NUP210L: variants seen among roughly 807,000 people sequenced by gnomAD.
The protein encoded by NUP210L is nucleoporin 210 like.
Under a neutral mutation model 208.5 loss-of-function variants are expected in NUP210L, and 74 were observed. The ratio of observed to expected loss-of-function variants is 0.35; its 90% CI spans 0.29 to 0.43. The LOEUF is 0.43. Among genes scored for constraint, NUP210L ranks in the 20% least tolerant of loss-of-function variants. The pLI is 1.00. For missense variants in NUP210L, 1,843 were observed against 2,289.4 expected (o/e 0.81, Z 3.98); for synonymous variants, 780 against 816.9 (o/e 0.95, Z 0.77).
At chr1:154,113,185 A>T (rs997163998) in intron 12 of NUP210L, among the ~76,000 whole-genome samples, 9 of 148,154 alleles carry the variant, frequency 6.1e-5, no homozygotes, top group East Asian at 5.8e-4. Flanking sequence ...TATATATATA[A>T]AATTTAAAAC....
chr1:154,010,699 C>T (rs1381395775), intron 34 of NUP210L, among the ~76,000 whole-genome samples: 3 of 151,710 alleles, frequency 2.0e-5, no homozygotes, highest in African/African-American at 4.9e-5. Context: ...GGAGAAACCC[C>T]GTCTCTACTA....
chr1:154,040,241 T>G (rs1349262897), intron 27 of NUP210L, among the ~76,000 whole-genome samples: 3 of 152,090 alleles, frequency 2.0e-5, no homozygotes, highest in Non-Finnish European at 4.4e-5. Context: ...GAAATAGCTT[T>G]CTAAAAGAAC....
At position 154,129,780 on chromosome 1, in the gene NUP210L, C is replaced by T. The variant is rs146945225; in HGVS notation, c.1010-435G>A. 7.4e-4 allele frequency among the ~76,000 whole-genome samples: 113 copies of T among 152,276 alleles called. 1 individual carries two copies. The highest frequency in any genetic ancestry group is 2.6e-3 in the African/African-American group (110 of 41,562). On this transcript the variant is annotated intron_variant, in intron 7 of 39. Transcript: ENST00000368559. ...GCATGACTTGCCATCCAGCAACATG[C>T]CTAGAACTCCACAGATAGTTTCAAA...
intron 16 of NUP210L, chr1:154,079,950 A>G (rs539886755): frequency 6.6e-6 from 1 of 152,386 alleles, no homozygotes; most frequent in South Asian, 2.1e-4. Context: ...TTAAATTCCT[A>G]GAGTTTCAGT....
At chr1:154,098,882 T>C (rs1571269809) in intron 14 of NUP210L, among the ~76,000 whole-genome samples, 1 of 152,122 alleles carries the variant, frequency 6.6e-6, no homozygotes, top group Admixed American at 6.5e-5. Flanking sequence ...AGGCTGTAGG[T>C]GCCAAGGGGC....
chr1:154,127,014 G>A (rs1378434021), intron 9 of NUP210L, among the ~76,000 whole-genome samples: 1 of 151,648 alleles, frequency 6.6e-6, no homozygotes, highest in Non-Finnish European at 1.5e-5. Context: ...GCTGAGGCAG[G>A]AGGATTGCTT....
intron 14 of NUP210L, among the ~76,000 whole-genome samples, chr1:154,096,789 A>G (rs1484530324): frequency 1.3e-5 from 2 of 151,884 alleles, no homozygotes; most frequent in African/African-American, 4.8e-5. Flanking sequence ...ACAGTGCCAT[A>G]CAAGTTTTTG....
chr1:154,116,254 C>CA (rs34151144), intron 12 of NUP210L, among the ~76,000 whole-genome samples: 242 of 91,370 alleles, frequency 2.6e-3, no homozygotes, highest in East Asian at 6.4e-3. Context: ...GACTCCATCT[C>CA]AAAAAAAAAA....
chr1:154,143,221 G>C (rs1171876614), intron 3 of NUP210L, among the ~76,000 whole-genome samples: 1 of 150,744 alleles, frequency 6.6e-6, no homozygotes, highest in African/African-American at 2.4e-5. Flanking sequence ...AAAAAGAAAG[G>C]AAAAGTTCTG....
intron 27 of NUP210L, among the ~76,000 whole-genome samples, chr1:154,038,646 A>G (rs1299338872): frequency 6.6e-6 from 1 of 152,140 alleles, no homozygotes; most frequent in African/African-American, 2.4e-5. Context: ...TGCCCAGCAG[A>G]CACAGGGTTT....
At chr1:154,094,021 C>T (rs1298370754) in intron 15 of NUP210L, among the ~76,000 whole-genome samples, 1 of 151,898 alleles carries the variant, frequency 6.6e-6, no homozygotes, top group African/African-American at 2.4e-5. Context: ...TGGTTGCTCA[C>T]GCCTGTAATC....
chr1:154,034,841 CTCTTTT>C (rs1028612992), intron 27 of NUP210L, among the ~76,000 whole-genome samples: 1 of 143,234 alleles, frequency 7.0e-6, no homozygotes, highest in Non-Finnish European at 1.5e-5. Context: ...CTCTCTCTCT[CTCTTTT>C]TTTTTTTTTT....
intron 38 of NUP210L, 66 bp from the exon 39 acceptor site, chr1:153,993,155 C>G (rs1403701427): frequency 9.7e-7 from 1 of 1,032,508 alleles, no homozygotes; most frequent in Non-Finnish European, 1.5e-6. Flanking sequence ...AAAGTCAACT[C>G]TAGAATGAGA....
chr1:154,143,283 T>A (rs1303872757), intron 3 of NUP210L, among the ~76,000 whole-genome samples, 163 bp downstream of exon 3: 1 of 152,158 alleles, frequency 6.6e-6, no homozygotes, highest in African/African-American at 2.4e-5. Flanking sequence ...GTTAATACAT[T>A]AAATTATACT....
intron 34 of NUP210L, among the ~76,000 whole-genome samples, chr1:154,011,469 G>T (rs1242941881): frequency 1.3e-5 from 2 of 150,910 alleles, no homozygotes; most frequent in African/African-American, 4.9e-5. Context: ...TGATCCATCC[G>T]CCTCGGCTTC....
At chr1:154,117,965 G>A in intron 11 of NUP210L, 85 bp from the exon 12 acceptor site, 1 of 949,434 alleles carries the variant, frequency 1.1e-6, no homozygotes, top group East Asian at 2.5e-5. Context: ...GTGAAATAAA[G>A]TTTACAAAAT....
chr1:154,055,503 A>G (rs1253598083), intron 23 of NUP210L, among the ~76,000 whole-genome samples: 3 of 152,032 alleles, frequency 2.0e-5, no homozygotes, highest in African/African-American at 7.2e-5. Flanking sequence ...CACCTGCCTC[A>G]GCCTCCCAAA....
chr1:154,005,181 T>C (rs1327511312), intron 35 of NUP210L, among the ~76,000 whole-genome samples: 1 of 151,760 alleles, frequency 6.6e-6, no homozygotes, highest in Admixed American at 6.6e-5. Context: ...CCATTCTACA[T>C]ACTGCCACTA....
chr1:154,117,827 G>C, exon 12 of NUP210L: 1 of 1,609,036 alleles, frequency 6.2e-7, no homozygotes, highest in Non-Finnish European at 8.5e-7. Flanking sequence ...TGGTTACTAT[G>C]ACCACTGTTT....
Sources: gnomAD v4.1 joint callset for allele counts (sites outside exome capture counted in the v4.1 genomes callset) on GRCh38, gnomAD v4.1.1 for gene constraint, MANE v1.5 for transcripts, NCBI Gene and HGNC (gene_info 2026-07-23, HGNC 2026-07-21) for gene names.